Variants in CPVL observed in about 807,000 individuals in gnomAD.
CPVL encodes probable serine carboxypeptidase CPVL.
A neutral mutation model predicts 63.7 loss-of-function variants in CPVL; 51 were observed. The observed-to-expected ratio is 0.80, with a 90% CI of 0.64 to 1.01. The LOEUF (loss-of-function observed/expected upper bound fraction) is 1.01, where lower values mean the gene tolerates loss of function less well. Ranked by LOEUF, CPVL falls within the 50% of genes least tolerant of loss-of-function variation. The pLI is 0.00. For missense variants in CPVL, 530 were observed against 573.1 expected (o/e 0.92, Z 0.77); for synonymous variants, 195 against 206.0 (o/e 0.95, Z 0.46).
At chr7:29,194,989 C>T (rs762138139) in intron 1 of CPVL, 15 of 1,587,036 alleles carry the variant, frequency 9.5e-6, no homozygotes, top group Non-Finnish European at 1.2e-5. Context: ...CGGTGTCCTC[C>T]GGTGAGTTTC....
upstream of CPVL, among the ~76,000 whole-genome samples, chr7:29,150,686 T>G (rs1396301953): frequency 6.6e-6 from 1 of 152,254 alleles, no homozygotes; most frequent in Non-Finnish European, 1.5e-5. Flanking sequence ...TTGATTAACC[T>G]TGTAGGCAAT....
At chr7:29,084,039 T>A (rs1035529983) in intron 7 of CPVL, among the ~76,000 whole-genome samples, 2 of 152,160 alleles carry the variant, frequency 1.3e-5, no homozygotes, top group Admixed American at 6.5e-5. Flanking sequence ...AGAGTCAATA[T>A]CTCATAAATC....
At chr7:29,033,544 C>T (rs1272599186) in intron 11 of CPVL, among the ~76,000 whole-genome samples, 1 of 152,222 alleles carries the variant, frequency 6.6e-6, no homozygotes. Context: ...CCCAGCAAGA[C>T]ATGCAGTGCT....
intron 9 of CPVL, 60 bp downstream of exon 9, chr7:29,071,713 G>GC: frequency 1.8e-5 from 5 of 273,498 alleles, no homozygotes; most frequent in South Asian, 3.5e-5. Flanking sequence ...CTGCTCACCC[G>GC]CCCTCCCTCC....
At chr7:29,117,062 C>T (rs1788845377) in intron 2 of CPVL, among the ~76,000 whole-genome samples, 1 of 152,180 alleles carries the variant, frequency 6.6e-6, no homozygotes, top group South Asian at 2.1e-4. Flanking sequence ...GTCAGGGCTA[C>T]ATTTGAATAC....
At chr7:29,041,408 C>T (rs1272029276) in intron 11 of CPVL, among the ~76,000 whole-genome samples, 1 of 152,002 alleles carries the variant, frequency 6.6e-6, no homozygotes, top group African/African-American at 2.4e-5. Context: ...CTGACTGTCC[C>T]AGGAGCAAGC....
intron 9 of CPVL, among the ~76,000 whole-genome samples, chr7:29,067,270 A>G (rs1783228076): frequency 6.6e-6 from 1 of 152,188 alleles, no homozygotes; most frequent in Non-Finnish European, 1.5e-5. Context: ...TGGATCCTGC[A>G]GTTACCAGGA....
chr7:29,175,118 C>T (rs934241954), intron 5 of CPVL, among the ~76,000 whole-genome samples: 2 of 151,842 alleles, frequency 1.3e-5, no homozygotes, highest in Non-Finnish European at 2.9e-5. Context: ...GTGCTTCCCC[C>T]ATACTGTTCT....
intron 1 of CPVL, among the ~76,000 whole-genome samples, chr7:29,138,770 C>T (rs1791528918): frequency 6.6e-6 from 1 of 152,162 alleles, no homozygotes; most frequent in Non-Finnish European, 1.5e-5. Context: ...AGCGCTTTGT[C>T]CCTCCCATCT....
chr7:29,068,855 C>T (rs564566823), intron 9 of CPVL, among the ~76,000 whole-genome samples: 15 of 151,686 alleles, frequency 9.9e-5, no homozygotes, highest in Admixed American at 7.2e-4. Flanking sequence ...CCACTACGCC[C>T]GGCTAACTTT....
intron 12 of CPVL, among the ~76,000 whole-genome samples, chr7:29,007,660 T>G (rs1785329559): frequency 6.6e-6 from 1 of 152,196 alleles, no homozygotes; most frequent in South Asian, 2.1e-4. Flanking sequence ...AACTGTTCAT[T>G]ATCTCAGCAT....
intron 2 of CPVL, 136 bp from the exon 3 acceptor site, chr7:29,112,958 C>T (rs1788403016): frequency 3.3e-6 from 2 of 606,060 alleles, no homozygotes; most frequent in African/African-American, 3.7e-5. Flanking sequence ...GTAGTTCCTT[C>T]AGCAAATTCC....
At chr7:28,998,115 G>A (rs536429001) in intron 12 of CPVL, among the ~76,000 whole-genome samples, 5 of 152,100 alleles carry the variant, frequency 3.3e-5, no homozygotes, top group Admixed American at 6.5e-5. Flanking sequence ...AACTTTTGCC[G>A]CCCCGCAATC....
intron 12 of CPVL, among the ~76,000 whole-genome samples, chr7:29,019,206 T>TA (rs1256096340): frequency 6.6e-6 from 1 of 152,224 alleles, no homozygotes; most frequent in African/African-American, 2.4e-5. Flanking sequence ...GGTGATATCT[T>TA]AGAAATAAGT....
At chr7:29,131,657 T>A (rs1262415107) in intron 1 of CPVL, among the ~76,000 whole-genome samples, 2 of 152,192 alleles carry the variant, frequency 1.3e-5, no homozygotes, top group Non-Finnish European at 2.9e-5. Context: ...GGACCACCGG[T>A]GCATGCCACC....
chr7:28,999,756 G>T (rs572196640), intron 12 of CPVL, among the ~76,000 whole-genome samples: 2 of 152,294 alleles, frequency 1.3e-5, no homozygotes, highest in East Asian at 3.9e-4. Context: ...GGAAGAGAAA[G>T]CTTGTTAAGG....
chr7:29,138,046 G>A lies in CPVL; in HGVS notation c.-11+8383C>T, dbSNP rs1053237414. Among the ~76,000 whole-genome samples the A allele has an allele frequency of 2.0e-5, 3 of 152,218 alleles. No individual in the cohort carries two copies. The East Asian group carries it at 5.8e-4, about 29-fold the overall frequency. ...AGAAAGACAGCAGGCAGGAAGGCCA[G>A]TTAATATGTTTCACAATAATCTAGA... is the stretch of plus-strand genomic sequence containing the variant. On this transcript the variant is annotated intron_variant, in intron 1 of 12. Transcript: ENST00000265394.
At chr7:29,004,887 T>C (rs1785019765) in intron 12 of CPVL, among the ~76,000 whole-genome samples, 1 of 139,440 alleles carries the variant, frequency 7.2e-6, no homozygotes, top group Non-Finnish European at 1.6e-5. Context: ...TATGTCTTTT[T>C]TTTCTTTTCT....
intron 1 of CPVL, among the ~76,000 whole-genome samples, chr7:29,126,175 G>C (rs1400467178): frequency 2.6e-5 from 4 of 152,086 alleles, no homozygotes; most frequent in Non-Finnish European, 5.9e-5. Context: ...GTATCTGTGT[G>C]GTAGACAGAT....
Sources: allele counts gnomAD v4.1 joint callset (sites outside exome capture counted in the v4.1 genomes callset), GRCh38; gene constraint gnomAD v4.1.1; transcripts MANE v1.5; gene names NCBI Gene and HGNC (gene_info 2026-07-23, HGNC 2026-07-21).